Variants in COL26A1 observed in about 807,000 individuals in gnomAD.
The protein encoded by COL26A1 is collagen alpha-1(XXVI) chain.
A neutral mutation model predicts 59.3 loss-of-function variants in COL26A1; 41 were observed. That is an observed-to-expected ratio of 0.69 (90% CI 0.54 to 0.90). COL26A1 has a LOEUF of 0.90. Among genes scored for constraint, COL26A1 ranks in the 40% least tolerant of loss-of-function variants. The pLI is 0.00. For synonymous variants in COL26A1, 266 were observed against 256.0 expected, an observed-to-expected ratio of 1.04 and a Z score of -0.37; for missense variants, 612 against 602.3, an observed-to-expected ratio of 1.02 and a Z score of -0.17.
chr7:101,514,339 AAAAAAT>A (rs1030324773), intron 3 of COL26A1, among the ~76,000 whole-genome samples: 4 of 152,112 alleles, frequency 2.6e-5, no homozygotes, highest in Non-Finnish European at 5.9e-5. Context: ...CCCTGTCTCA[AAAAAAT>A]AAAAATAAAA....
chr7:101,466,903 G>C (rs1793776348), intron 3 of COL26A1, among the ~76,000 whole-genome samples: 1 of 151,244 alleles, frequency 6.6e-6, no homozygotes, highest in Non-Finnish European at 1.5e-5. Context: ...GATCCCCTGA[G>C]TACCAGAAAG....
intron 3 of COL26A1, among the ~76,000 whole-genome samples, chr7:101,463,883 T>C (rs1411029447): frequency 1.0e-5 from 1 of 99,006 alleles, no homozygotes; most frequent in African/African-American, 5.4e-5. Flanking sequence ...CTTTCTTTCT[T>C]TCTTTCTTTC....
chr7:101,504,669 C>A (rs567420320), intron 3 of COL26A1, among the ~76,000 whole-genome samples: 1 of 152,192 alleles, frequency 6.6e-6, no homozygotes, highest in Admixed American at 6.5e-5. Context: ...CAGAGGCTGG[C>A]ATTGTTATGA....
chr7:101,544,116 A>G lies in COL26A1; in HGVS notation c.703+20A>G, dbSNP rs1249177642. 1.9e-6 allele frequency: 3 copies of G among 1,564,042 alleles called. No individual in the cohort carries two copies. The highest frequency in any genetic ancestry group is 2.3e-5 in the East Asian group (1 of 43,460). ...CGCCTGGTAAGAAAACCCCCCACATATGTGATGTTGTCAACCTGCGGAAGG... is the reference window on the plus strand; with the variant it reads ...CGCCTGGTAAGAAAACCCCCCACATGTGTGATGTTGTCAACCTGCGGAAGG... On this transcript the variant is annotated intron_variant, in intron 6 of 12. Transcript: ENST00000313669.
At chr7:101,513,054 T>A (rs1179142580) in intron 3 of COL26A1, among the ~76,000 whole-genome samples, 1 of 152,004 alleles carries the variant, frequency 6.6e-6, no homozygotes. Flanking sequence ...TCGCCCAGAC[T>A]AGAGTGCAAT....
chr7:101,542,465 G>C (rs1391876940), intron 5 of COL26A1, among the ~76,000 whole-genome samples: 1 of 152,194 alleles, frequency 6.6e-6, no homozygotes, highest in Non-Finnish European at 1.5e-5. Context: ...GGAGACACCT[G>C]AGGCTCAGAG....
At chr7:101,483,990 A>AGTGTGTGTGTGTGTGTGTGT (rs55863250) in intron 3 of COL26A1, among the ~76,000 whole-genome samples, 96 of 127,998 alleles carry the variant, frequency 7.5e-4, no homozygotes, top group African/African-American at 1.6e-3. Flanking sequence ...AACTTTTTAA[A>AGTGTGTGTGTGTGTGTGTGT]GTGTGTGTGT....
At chr7:101,491,437 C>T (rs1048016462) in intron 3 of COL26A1, among the ~76,000 whole-genome samples, 28 of 152,108 alleles carry the variant, frequency 1.8e-4, no homozygotes, top group African/African-American at 6.0e-4. Context: ...GTTCTTGGAT[C>T]TCACACAAGA....
intron 12 of COL26A1, among the ~76,000 whole-genome samples, chr7:101,557,018 TGGATGGATGGATGGATGGATGGATGGAC>T (rs1184090102): frequency 1.7e-4 from 9 of 53,712 alleles, no homozygotes; most frequent in Non-Finnish European, 3.5e-4. Flanking sequence ...GATGGATGGA[TGGATGGATGGATGGATGGATGGATGGAC>T]GGGCAGGTAA....
intron 3 of COL26A1, among the ~76,000 whole-genome samples, chr7:101,507,631 C>T (rs1318728249): frequency 2.6e-5 from 4 of 151,744 alleles, no homozygotes; most frequent in African/African-American, 9.7e-5. Context: ...GTTGCTCAGG[C>T]TGGTCTCCAA....
chr7:101,486,368 A>G (rs1460909404), intron 3 of COL26A1, among the ~76,000 whole-genome samples: 1 of 152,156 alleles, frequency 6.6e-6, no homozygotes, highest in Non-Finnish European at 1.5e-5. Context: ...CATACCCCAT[A>G]GGGAGCTCTG....
Position 101,557,459 on chromosome 7 carries a change from G to T in COL26A1, c.1255G>T (p.Gly419Trp), listed in dbSNP as rs745734583. 6.2e-7 allele frequency: 1 copy of T among 1,613,736 alleles called. No individual in the cohort carries two copies. The change falls in exon 13 of 13, where the codon GGG becomes TGG. Residue 419 changes from glycine (G) to tryptophan (W), a missense_variant. Physicochemically the swap from Gly to Trp is radical, Grantham distance 184. Transcript: ENST00000313669. ...KMKRGGAQPD[G>W]VLAALLGPDP... ...GAAGAGGGGTGGCGCCCAACCCGATGGGGTCCTTGCTGCCCTGCTTGGGCC... is the reference window on the plus strand; with the variant it reads ...GAAGAGGGGTGGCGCCCAACCCGATTGGGTCCTTGCTGCCCTGCTTGGGCC...
chr7:101,551,237 G>GGGGGGCC, intron 10 of COL26A1, 94 bp downstream of exon 10: 1 of 386,366 alleles, frequency 2.6e-6, no homozygotes, highest in Non-Finnish European at 5.0e-6. Context: ...TGGTGGGGGG[G>GGGGGGCC]TTCAGCCCTG....
chr7:101,405,143 AC>A (rs35346305), intron 1 of COL26A1, among the ~76,000 whole-genome samples: 27,712 of 150,990 alleles, frequency 0.18, 2,878 homozygotes, highest in Non-Finnish European at 0.24. Flanking sequence ...AATGGCGTGA[AC>A]CCCGGGAGGC....
intron 4 of COL26A1, among the ~76,000 whole-genome samples, chr7:101,534,398 C>A (rs1357769473): frequency 6.6e-6 from 1 of 152,172 alleles, no homozygotes; most frequent in Non-Finnish European, 1.5e-5. Context: ...CACACATACA[C>A]ACGCATGCAT....
intron 3 of COL26A1, among the ~76,000 whole-genome samples, chr7:101,485,999 C>T (rs976704536): frequency 2.6e-5 from 4 of 151,938 alleles, no homozygotes; most frequent in African/African-American, 7.3e-5. Context: ...ATGGTGAAAC[C>T]GCGTCTCTAT....
In COL26A1 at chr7:101,505,586, G is replaced by A. The variant is rs192139028; in HGVS notation, c.386-27496G>A. ...AAAGCTGAAGAACTGGTAGTCCGATGTTCGAGGGCAGGAAGCATCCAGCAT... is the reference window on the plus strand; with the variant it reads ...AAAGCTGAAGAACTGGTAGTCCGATATTCGAGGGCAGGAAGCATCCAGCAT... On this transcript the variant is annotated intron_variant, in intron 3 of 12. Transcript: ENST00000313669. Among the ~76,000 whole-genome samples the A allele has an allele frequency of 4.1e-3, 632 of 152,340 alleles. 4 individuals carry two copies. The highest frequency in any genetic ancestry group is 6.8e-3 in the Middle Eastern group (2 of 294).
chr7:101,363,540 C>CGCGG (rs1562948116), intron 1 of COL26A1, among the ~76,000 whole-genome samples: 40 of 52,228 alleles, frequency 7.7e-4, no homozygotes, highest in African/African-American at 9.9e-4. Flanking sequence ...GGGCGCGGGG[C>CGCGG]GGCGGGGGTT....
intron 2 of COL26A1, among the ~76,000 whole-genome samples, chr7:101,443,230 T>G (rs1044198242): frequency 1.1e-4 from 16 of 152,286 alleles, no homozygotes; most frequent in Non-Finnish European, 2.1e-4. Context: ...CTGGGGGCTT[T>G]GCTCTCCAGC....
Sources: gnomAD v4.1 joint callset for allele counts (sites outside exome capture counted in the v4.1 genomes callset) on GRCh38, gnomAD v4.1.1 for gene constraint, MANE v1.5 for transcripts, NCBI Gene and HGNC (gene_info 2026-07-23, HGNC 2026-07-21) for gene names.